LPCAT1: variants seen among roughly 807,000 people sequenced by gnomAD.
The protein encoded by LPCAT1 is 1-acylglycerol-3-phosphate O-acyltransferase.
A neutral mutation model predicts 60.9 loss-of-function variants in LPCAT1; 23 were observed. The ratio of observed to expected loss-of-function variants is 0.38; its 90% CI spans 0.27 to 0.53. The LOEUF (loss-of-function observed/expected upper bound fraction) is 0.53. Ranked by LOEUF, LPCAT1 falls within the 20% of genes least tolerant of loss-of-function variation. The pLI is 0.82. For missense variants in LPCAT1, 622 were observed against 723.6 expected (o/e 0.86, Z 1.61); for synonymous variants, 340 against 301.1 (o/e 1.13, Z -1.34).
At chr5:1,466,690 A>C in intron 13 of LPCAT1, 59 bp downstream of exon 13, 1 of 1,534,366 alleles carries the variant, frequency 6.5e-7, no homozygotes, top group Non-Finnish European at 8.8e-7. Context: ...GACTCGCCCC[A>C]CACTCTGTCC....
intron 12 of LPCAT1, among the ~76,000 whole-genome samples, chr5:1,470,238 A>G (rs549422592): frequency 6.6e-6 from 1 of 152,346 alleles, no homozygotes; most frequent in African/African-American, 2.4e-5. Context: ...GAGCCTCAGA[A>G]TAGGCCAGGC....
rs10037459 is a variant in LPCAT1, at chr5:1,481,148, G to A, written c.727-172C>T. ...GCTTCCCAGAGTCCCTGAGGATCCA[G>A]GACTCGGACCAGCCCCCCAGCCTGA... is the stretch of plus-strand genomic sequence containing the variant. On this transcript the variant is annotated intron_variant, in intron 6 of 13. Coordinates refer to ENST00000283415, the MANE Select transcript of LPCAT1 (RefSeq NM_024830.5). This position sits in a 1 kb window ranked among gnomAD's most constrained non-coding sequence, Gnocchi z 7.8. 0.16 allele frequency among the ~76,000 whole-genome samples: 23,819 copies of A among 152,000 alleles called. 3,245 individuals are homozygous for A. The highest frequency in any genetic ancestry group is 0.37 in the African/African-American group (15,502 of 41,362).
intron 1 of LPCAT1, among the ~76,000 whole-genome samples, chr5:1,512,439 G>A (rs773153132): frequency 1.3e-5 from 2 of 152,214 alleles, no homozygotes; most frequent in African/African-American, 2.4e-5. Flanking sequence ...CATGCTTCCC[G>A]TAGAATCAAG....
At position 1,502,796 on chromosome 5, in the gene LPCAT1, T is replaced by G. The variant is rs1736066131; in HGVS notation, c.136-1193A>C. Among the ~76,000 whole-genome samples, 1 of 152,158 alleles carries G rather than the reference T, an allele frequency of 6.6e-6. No individual in the cohort carries two copies. The highest frequency in any genetic ancestry group is 2.1e-4 in the South Asian group (1 of 4,816). ...GCCTGTCATGAGAGCGCTCCCACTCTGTTTCCTTGGTTTGTCCCTAGATTC... is the reference window on the plus strand; with the variant it reads ...GCCTGTCATGAGAGCGCTCCCACTCGGTTTCCTTGGTTTGTCCCTAGATTC... On this transcript the variant is annotated intron_variant, in intron 1 of 13. Coordinates refer to ENST00000283415, the MANE Select transcript of LPCAT1 (RefSeq NM_024830.5). The surrounding 1 kb of genome is among the most constrained non-coding windows in gnomAD (Gnocchi z 5.5).
chr5:1,472,332 C>T (rs917381693), intron 11 of LPCAT1, among the ~76,000 whole-genome samples: 10 of 152,092 alleles, frequency 6.6e-5, no homozygotes, highest in Non-Finnish European at 1.0e-4. Flanking sequence ...GCTGTAGGTG[C>T]TAGGGGTGAG....
chr5:1,508,906 C>G (rs1312676992), intron 1 of LPCAT1, among the ~76,000 whole-genome samples: 2 of 152,270 alleles, frequency 1.3e-5, no homozygotes, highest in African/African-American at 4.8e-5. Context: ...CCAGCATCAC[C>G]CGGCGTTTCA....
rs1217405174 is a variant in LPCAT1 at position 1,476,115 on chromosome 5, G to A, written c.899+1289C>T. ...CCTCGGAGTCTGTTTGAAATGGAGG[G>A]TTCTAAAATAATCAGTGAGGCCCAC... On this transcript the variant is annotated intron_variant, in intron 9 of 13. Coordinates refer to ENST00000283415, the MANE Select transcript of LPCAT1 (RefSeq NM_024830.5). This position sits in a 1 kb window ranked among gnomAD's most constrained non-coding sequence, Gnocchi z 8.6. 2.6e-5 allele frequency among the ~76,000 whole-genome samples: 4 copies of A among 152,206 alleles called. No homozygotes were observed. Among genetic ancestry groups the A allele is most frequent in the Non-Finnish European group, 4.4e-5 (3 of 68,036 alleles).
chr5:1,492,341 G>GTCTCTGAGCTGGGGCCTGGGGAGACA (rs1735619879), intron 3 of LPCAT1, among the ~76,000 whole-genome samples: 2 of 151,406 alleles, frequency 1.3e-5, no homozygotes, highest in Non-Finnish European at 3.0e-5. Flanking sequence ...CTGGGGAGAC[G>GTCTCTGAGCTGGGGCCTGGGGAGACA]TCTCTGAGCT....
At chr5:1,499,673 G>A (rs1176075506) in intron 2 of LPCAT1, among the ~76,000 whole-genome samples, 2 of 152,040 alleles carry the variant, frequency 1.3e-5, no homozygotes, top group Non-Finnish European at 2.9e-5. Flanking sequence ...TACCCAGCAA[G>A]CTGCTCAACG....
At chr5:1,472,092 G>A (rs1314417567) in intron 11 of LPCAT1, among the ~76,000 whole-genome samples, 1 of 149,642 alleles carries the variant, frequency 6.7e-6, no homozygotes, top group Non-Finnish European at 1.5e-5. Context: ...CCTGATCAGA[G>A]AGCAGGAGAT....
At chr5:1,469,773 T>G (rs1385090863) in intron 12 of LPCAT1, among the ~76,000 whole-genome samples, 3 of 150,058 alleles carry the variant, frequency 2.0e-5, no homozygotes, top group Non-Finnish European at 4.4e-5. Context: ...AGAGCGAGAC[T>G]CCATCTCACA....
At chr5:1,466,525 T>C (rs1734411643) in intron 13 of LPCAT1, among the ~76,000 whole-genome samples, 1 of 152,168 alleles carries the variant, frequency 6.6e-6, no homozygotes, top group Non-Finnish European at 1.5e-5. Flanking sequence ...GGAGTTTGGT[T>C]GTATAAATCG....
Position 1,495,724 on chromosome 5 carries a change from C to T in LPCAT1, c.279-810G>A, listed in dbSNP as rs11952520. Among the ~76,000 whole-genome samples, 61,774 of 152,068 alleles carry T rather than the reference C, an allele frequency of 0.41. 13,849 individuals carry two copies. The highest frequency in any genetic ancestry group is 0.51 in the Non-Finnish European group (34,586 of 67,952). On this transcript the variant is annotated intron_variant, in intron 2 of 13. Coordinates refer to ENST00000283415, the MANE Select transcript of LPCAT1 (RefSeq NM_024830.5). The surrounding 1 kb of genome is among the most constrained non-coding windows in gnomAD (Gnocchi z 4.7). ...GCCTCATGAGAAGCCACGGCTCACT[C>T]GGCCACTGGGTTAAGTGGGCGCATC...
Position 1,522,604 on chromosome 5 carries a change from C to T in LPCAT1, c.135+1106G>A, listed in dbSNP as rs1736709158. On this transcript the variant is annotated intron_variant, in intron 1 of 13. Transcript: ENST00000283415. This position sits in a 1 kb window ranked among gnomAD's most constrained non-coding sequence, Gnocchi z 6.8. Reference sequence around the variant, plus strand: ...AGGGGCTTTGAGCAAAAGCAGGCGTCCTGGGAAAATGACAAGCTCAAACTG... The same window carrying T: ...AGGGGCTTTGAGCAAAAGCAGGCGTTCTGGGAAAATGACAAGCTCAAACTG... Among the ~76,000 whole-genome samples the T allele has an allele frequency of 6.6e-6, 1 of 152,194 alleles. No individual in the cohort carries two copies. The highest frequency in any genetic ancestry group is 1.5e-5 in the Non-Finnish European group (1 of 68,026).
chr5:1,499,906 T>C (rs779623347), intron 2 of LPCAT1, among the ~76,000 whole-genome samples: 6 of 152,264 alleles, frequency 3.9e-5, no homozygotes, highest in Non-Finnish European at 8.8e-5. Flanking sequence ...CGTGAAAACT[T>C]TGCTGTACAT....
chr5:1,513,308 C>T (rs61433796), intron 1 of LPCAT1, among the ~76,000 whole-genome samples: 1 of 152,086 alleles, frequency 6.6e-6, no homozygotes, highest in African/African-American at 2.4e-5. Flanking sequence ...CTACATATGA[C>T]GTCCCCCATG....
chr5:1,466,604 GTTTC>G (rs1734415915), intron 13 of LPCAT1, 141 bp downstream of exon 13: 4 of 828,986 alleles, frequency 4.8e-6, no homozygotes, highest in Non-Finnish European at 5.2e-6. Flanking sequence ...CTTCTCAGGG[GTTTC>G]TTTGTTACAC....
At chr5:1,498,346 A>G (rs191212637) in intron 2 of LPCAT1, among the ~76,000 whole-genome samples, 6 of 152,298 alleles carry the variant, frequency 3.9e-5, no homozygotes, top group African/African-American at 1.4e-4. Flanking sequence ...CACCAAGCCA[A>G]GCCCAGGACT....
intron 12 of LPCAT1, chr5:1,467,112 G>A: frequency 2.4e-6 from 1 of 410,194 alleles, no homozygotes; most frequent in Non-Finnish European, 4.2e-6. Context: ...ACACACAGCA[G>A]ATGCTTCTCG....
Sources: gnomAD v4.1 joint callset for allele counts (sites outside exome capture counted in the v4.1 genomes callset) on GRCh38, gnomAD v4.1.1 for gene constraint, Gnocchi (gnomAD v3.1) non-coding constraint, MANE v1.5 for transcripts, NCBI Gene and HGNC (gene_info 2026-07-23, HGNC 2026-07-21) for gene names.